AFF3: variants seen among roughly 807,000 people sequenced by gnomAD.
AFF3 encodes the protein AF4/FMR2 family member 3.
In AFF3, 32 loss-of-function variants were observed where a neutral mutation model predicts 129.7. The ratio of observed to expected loss-of-function variants is 0.25; its 90% CI spans 0.19 to 0.33. The LOEUF is 0.33. Among genes scored for constraint, AFF3 ranks in the 10% least tolerant of loss-of-function variants. The pLI, the probability that AFF3 is intolerant of heterozygous loss-of-function variation, is 1.00. For missense variants in AFF3, 1,373 were observed against 1,592.0 expected (o/e 0.86, Z 2.34); for synonymous variants, 644 against 635.4 (o/e 1.01, Z -0.20).
At chr2:99,749,727 C>T (rs1681471566) in intron 9 of AFF3, among the ~76,000 whole-genome samples, 1 of 152,204 alleles carries the variant, frequency 6.6e-6, no homozygotes, top group Admixed American at 6.5e-5. Context: ...ACATTTCATT[C>T]ACTGAGGTGT....
chr2:99,674,543 A>G (rs1687445950), intron 11 of AFF3, among the ~76,000 whole-genome samples: 1 of 152,074 alleles, frequency 6.6e-6, no homozygotes, highest in African/African-American at 2.4e-5. Flanking sequence ...TTTTGGGTAA[A>G]CCACCACTGC....
At chr2:99,841,760 A>G (rs910688983) in intron 7 of AFF3, among the ~76,000 whole-genome samples, 12 of 152,214 alleles carry the variant, frequency 7.9e-5, no homozygotes, top group Non-Finnish European at 1.3e-4. Flanking sequence ...TCCAAAAATC[A>G]TTCTGACAGC....
At chr2:99,889,859 C>T (rs530489478) in intron 7 of AFF3, among the ~76,000 whole-genome samples, 10 of 152,226 alleles carry the variant, frequency 6.6e-5, no homozygotes, top group African/African-American at 2.2e-4. Flanking sequence ...GGGGTTTCTC[C>T]ATGTTGGCCA....
Position 100,104,465 on chromosome 2 carries a change from G to A in AFF3, c.-11C>T. 1 of 1,310,658 alleles carries A rather than the reference G, an allele frequency of 7.6e-7. No homozygotes were observed. The highest frequency in any genetic ancestry group is 9.9e-7 in the Non-Finnish European group (1 of 1,005,668). The allele number at this position is 1,310,658 out of a possible 1,614,324, so 81.2% of individuals were successfully genotyped here. On this transcript the variant is annotated 5_prime_UTR_variant, in exon 4 of 25. Transcript: ENST00000672756. ...GTCGAAGCTGTCCATGGTGGGAGGT[G>A]TCAGCGTCGCCGCCGCCGCTACCGC...
intron 11 of AFF3, among the ~76,000 whole-genome samples, chr2:99,711,258 C>A (rs527984029): frequency 6.6e-6 from 1 of 152,132 alleles, no homozygotes; most frequent in African/African-American, 2.4e-5. Context: ...CGGACCCAGT[C>A]GGAATCTTGG....
chr2:100,141,709 C>T (rs942486474), intron 1 of AFF3, among the ~76,000 whole-genome samples: 2 of 152,100 alleles, frequency 1.3e-5, no homozygotes, highest in Admixed American at 1.3e-4. Flanking sequence ...AGGAAAAAAA[C>T]CCCTTTGTCT....
intron 4 of AFF3, among the ~76,000 whole-genome samples, chr2:100,024,904 G>A (rs1445087945): frequency 6.6e-6 from 1 of 151,804 alleles, no homozygotes; most frequent in Non-Finnish European, 1.5e-5. Context: ...TTGAGGTGAA[G>A]GATAGAGTGG....
Position 99,592,576 on chromosome 2 carries a change from G to A in AFF3, c.2466+619C>T, listed in dbSNP as rs540961620. 2.0e-5 allele frequency among the ~76,000 whole-genome samples: 3 copies of A among 152,330 alleles called. No homozygotes were observed. The East Asian group carries it at 5.8e-4, about 29-fold the overall frequency. On this transcript the variant is annotated intron_variant, in intron 15 of 24. Coordinates refer to ENST00000672756, the MANE Select transcript of AFF3 (RefSeq NM_001386135.1). Reference sequence around the variant, plus strand: ...CCTACATCCAGCTGCGTGTGCACACGCTTGATAAATATTTCCTATTTTGAC... The same window carrying A: ...CCTACATCCAGCTGCGTGTGCACACACTTGATAAATATTTCCTATTTTGAC...
chr2:100,139,722 C>T (rs576259344), intron 1 of AFF3, among the ~76,000 whole-genome samples: 1 of 152,164 alleles, frequency 6.6e-6, no homozygotes, highest in South Asian at 2.1e-4. Flanking sequence ...TTTGTCAAAG[C>T]TATGTTTTAA....
At chr2:99,945,904 A>G (rs1675517428) in intron 7 of AFF3, among the ~76,000 whole-genome samples, 1 of 152,244 alleles carries the variant, frequency 6.6e-6, no homozygotes, top group East Asian at 1.9e-4. Flanking sequence ...AGAGAGATCC[A>G]GCACACCCAG....
intron 1 of AFF3, among the ~76,000 whole-genome samples, chr2:100,137,158 T>C (rs1446107764): frequency 6.6e-6 from 1 of 152,222 alleles, no homozygotes; most frequent in African/African-American, 2.4e-5. Context: ...ATATAACCGA[T>C]GTATAAGGCT....
intron 13 of AFF3, among the ~76,000 whole-genome samples, chr2:99,625,033 G>A (rs1045490133): frequency 6.6e-6 from 1 of 152,200 alleles, no homozygotes; most frequent in Non-Finnish European, 1.5e-5. Context: ...AGCTCCTGCT[G>A]GAAGTGAGAT....
chr2:99,760,747 T>A (rs1682506028), intron 8 of AFF3, among the ~76,000 whole-genome samples: 1 of 152,156 alleles, frequency 6.6e-6, no homozygotes, highest in African/African-American at 2.4e-5. Context: ...TTAAAGCCAC[T>A]TACTCCAAAG....
At chr2:99,993,441 A>G (rs1209052826) in intron 7 of AFF3, among the ~76,000 whole-genome samples, 1 of 152,172 alleles carries the variant, frequency 6.6e-6, no homozygotes, top group Non-Finnish European at 1.5e-5. Flanking sequence ...AGAAAAGAAT[A>G]ATTTAAGTAA....
At chr2:99,817,970 C>T (rs1687372575) in intron 8 of AFF3, among the ~76,000 whole-genome samples, 1 of 152,108 alleles carries the variant, frequency 6.6e-6, no homozygotes, top group African/African-American at 2.4e-5. Flanking sequence ...CTTATGAAGA[C>T]ATATGCAGAA....
intron 14 of AFF3, among the ~76,000 whole-genome samples, chr2:99,596,954 A>C (rs193111838): frequency 6.6e-6 from 1 of 152,266 alleles, no homozygotes. Context: ...CCAAATTTCT[A>C]AGGGGGGCGT....
chr2:99,924,877 A>ATTT (rs113424483), intron 7 of AFF3, among the ~76,000 whole-genome samples: 1 of 144,422 alleles, frequency 6.9e-6, no homozygotes, highest in African/African-American at 2.5e-5. Flanking sequence ...TGATTTATTA[A>ATTT]TTTTTTTTTT....
rs763095791 is a variant in AFF3 at position 99,554,750 on chromosome 2, C to T, written c.3286-18G>A. On this transcript the variant is annotated intron_variant, in intron 22 of 24. Transcript: ENST00000672756. ...GATGAGTTCTGCAAGAAAATAAAAA[C>T]ACTGACAGTGAGTGCCATCTGCGTG... 15 of 1,613,984 alleles carry T rather than the reference C, an allele frequency of 9.3e-6. No individual in the cohort carries two copies. The highest frequency in any genetic ancestry group is 4.0e-5 in the African/African-American group (3 of 74,918).
intron 10 of AFF3, among the ~76,000 whole-genome samples, chr2:99,728,138 CT>C (rs147934660): frequency 6.6e-6 from 1 of 152,306 alleles, no homozygotes; most frequent in Non-Finnish European, 1.5e-5. Flanking sequence ...AATGTAATTC[CT>C]AATCCTTAAT....
Sources: allele counts gnomAD v4.1 joint callset (sites outside exome capture counted in the v4.1 genomes callset), GRCh38; gene constraint gnomAD v4.1.1; transcripts MANE v1.5; gene names NCBI Gene and HGNC (gene_info 2026-07-23, HGNC 2026-07-21).